PADI2: variants seen among roughly 807,000 people sequenced by gnomAD.
PADI2 encodes the protein peptidyl arginine deiminase 2.
PADI2 carries 70 observed loss-of-function variants against 81.1 expected under a neutral mutation model. The observed-to-expected ratio is 0.86, with a 90% CI of 0.71 to 1.05. The LOEUF (loss-of-function observed/expected upper bound fraction) is 1.05. PADI2 is among the 50% of genes least tolerant of loss of function. The pLI is 0.00. For missense variants in PADI2, 853 were observed against 889.9 expected (o/e 0.96, Z 0.53); for synonymous variants, 338 against 358.0 (o/e 0.94, Z 0.63).
chr1:17,090,995 C>A (rs1930670980), intron 6 of PADI2, among the ~76,000 whole-genome samples: 1 of 152,000 alleles, frequency 6.6e-6, no homozygotes, highest in Non-Finnish European at 1.5e-5. Context: ...GTGATCCCAT[C>A]CTCCATGACA....
At chr1:17,104,438 T>TTTTC (rs1478955453) in intron 2 of PADI2, among the ~76,000 whole-genome samples, 2 of 77,806 alleles carry the variant, frequency 2.6e-5, no homozygotes, top group Non-Finnish European at 5.5e-5. Flanking sequence ...TTTCTTTTTT[T>TTTTC]TTTTTTTTTT....
intron 6 of PADI2, among the ~76,000 whole-genome samples, chr1:17,088,906 C>CAAAAA (rs753463253): frequency 0.035 from 1,335 of 38,534 alleles, 36 homozygotes; most frequent in South Asian, 0.051. Context: ...GACTCCATCT[C>CAAAAA]AAAAAAAAAA....
chr1:17,115,343 T>C lies in PADI2; in HGVS notation c.92+3937A>G, dbSNP rs898107469. 2.0e-5 allele frequency among the ~76,000 whole-genome samples: 3 copies of C among 152,144 alleles called. No individual in the cohort carries two copies. The highest frequency in any genetic ancestry group is 7.2e-5 in the African/African-American group (3 of 41,440). ...AACCTCTGCACAGGCAAAGGGACAA[T>C]GTTAAGATCATTCCAGTGTCCTGAA... On this transcript the variant is annotated intron_variant, in intron 1 of 15. Transcript: ENST00000375486. This position sits in a 1 kb window ranked among gnomAD's most constrained non-coding sequence, Gnocchi z 4.1.
rs754015818 is a variant in PADI2 at position 17,086,600 on chromosome 1, A to G, written c.755T>C (p.Val252Ala). Reference protein sequence around the residue: ...TGGSAELLFFVEGLCFPDEGF... With the variant: ...TGGSAELLFFAEGLCFPDEGF... ...CTCGTCGGGGAAACAGAGGCCTTCC[A>G]CGAAGAACAGCAGCTCCGCGGAGCC... Residue 252 changes from valine to alanine, a missense_variant, in exon 7 of 16, where the codon GTG becomes GCG. Val to Ala is a moderately conservative substitution (Grantham distance 64, BLOSUM62 0). Coordinates refer to ENST00000375486, the MANE Select transcript of PADI2 (RefSeq NM_007365.3). 1.2e-6 allele frequency: 2 copies of G among 1,614,116 alleles called. No individual in the cohort carries two copies. The highest frequency in any genetic ancestry group is 1.7e-6 in the Non-Finnish European group (2 of 1,179,978).
chr1:17,104,755 T>A (rs1285236236), intron 2 of PADI2, 123 bp downstream of exon 2: 1 of 839,352 alleles, frequency 1.2e-6, no homozygotes, highest in Non-Finnish European at 1.7e-6. Flanking sequence ...TTCAATGTGG[T>A]TACTGCAGAA....
intron 9 of PADI2, chr1:17,083,148 C>G (rs562128844): frequency 6.4e-6 from 1 of 157,452 alleles, no homozygotes; most frequent in African/African-American, 2.4e-5. Flanking sequence ...GCTGGGATTA[C>G]AGGTATTATC....
At chr1:17,075,627 T>C in intron 12 of PADI2, 52 bp downstream of exon 12, 2 of 1,513,762 alleles carry the variant, frequency 1.3e-6, no homozygotes, top group Non-Finnish European at 1.8e-6. Context: ...GGGCGGGTAA[T>C]ATATTGGTTT....
intron 6 of PADI2, 54 bp from the exon 7 acceptor site, chr1:17,086,753 T>G: frequency 6.6e-7 from 1 of 1,521,332 alleles, no homozygotes; most frequent in East Asian, 2.3e-5. Flanking sequence ...AAGAGGTCGG[T>G]GGGGTGGGAT....
chr1:17,085,239 C>T (rs1282426746), intron 7 of PADI2, among the ~76,000 whole-genome samples: 1 of 152,218 alleles, frequency 6.6e-6, no homozygotes, highest in African/African-American at 2.4e-5. Context: ...GGTCAAGCAG[C>T]TTGCCTGGAA....
chr1:17,110,499 A>C (rs930257389), intron 1 of PADI2, among the ~76,000 whole-genome samples: 5 of 152,086 alleles, frequency 3.3e-5, no homozygotes, highest in African/African-American at 4.8e-5. Context: ...AACAAAAAAA[A>C]CCCAGAAATC....
chr1:17,079,264 A>G lies in PADI2; in HGVS notation c.1310T>C (p.Leu437Pro), dbSNP rs1161115872. The change falls in exon 11 of 16, where the codon CTG becomes CCG. Residue 437 changes from leucine (L) to proline (P), a missense_variant and splice_region_variant. By Grantham distance (98) the Leu-to-Pro change is moderately conservative (BLOSUM62 -3). Transcript: ENST00000375486. ...GRILIGSSFPLSGGRRMTKVV... is the reference protein window; with the variant it reads ...GRILIGSSFPPSGGRRMTKVV... ...CTAGCCCCAGCCTGGCTTCTCTTAC[A>G]GAGGAAAGCTGCTCCCGATGAGGAT... is the stretch of plus-strand genomic sequence containing the variant. 6.2e-7 allele frequency: 1 copy of G among 1,612,928 alleles called. No homozygotes were observed. The highest frequency in any genetic ancestry group is 1.7e-5 in the Admixed American group (1 of 59,884).
At chr1:17,077,435 CG>C (rs1395224939) in intron 11 of PADI2, among the ~76,000 whole-genome samples, 11 of 152,154 alleles carry the variant, frequency 7.2e-5, no homozygotes, top group Admixed American at 6.5e-4. Context: ...CTTTAAGGGC[CG>C]CCCCTGAGCT....
intron 2 of PADI2, 36 bp from the exon 3 acceptor site, chr1:17,103,095 A>G (rs755654580): frequency 1.2e-5 from 18 of 1,476,732 alleles, no homozygotes; most frequent in Non-Finnish European, 1.5e-5. Context: ...GTAGAGAGAA[A>G]AGAGAGCAGA....
intron 3 of PADI2, among the ~76,000 whole-genome samples, chr1:17,097,188 G>A (rs186459674): frequency 6.6e-6 from 1 of 152,264 alleles, no homozygotes; most frequent in East Asian, 1.9e-4. Context: ...GTGGGCGCTG[G>A]GTGGTAATGA....
intron 5 of PADI2, among the ~76,000 whole-genome samples, chr1:17,093,292 C>T (rs1362934028): frequency 6.6e-6 from 1 of 152,104 alleles, no homozygotes; most frequent in Non-Finnish European, 1.5e-5. Context: ...GATGGGGTTT[C>T]ACCATATTGG....
In PADI2 at chr1:17,070,122, T is replaced by C. The variant is rs763691887; in HGVS notation, c.1730A>G (p.Glu577Gly). 2.0e-5 allele frequency: 32 copies of C among 1,614,074 alleles called. 1 individual carries two copies. The South Asian group carries it at 3.3e-4, about 17-fold the overall frequency. ...IDLPALFKMD[E>G]DHRARAFFPN... Reference sequence around the variant, plus strand: ...GAAGAAGGCTCTGGCACGGTGGTCCTCGTCCATCTTGAACAGAGCGGGCAG... The same window carrying C: ...GAAGAAGGCTCTGGCACGGTGGTCCCCGTCCATCTTGAACAGAGCGGGCAG... Residue 577 changes from glutamate (E) to glycine (G), a missense_variant, in exon 15 of 16, where the codon GAG becomes GGG. Physicochemically the swap from Glu to Gly is moderately conservative, Grantham distance 98. Coordinates refer to ENST00000375486, the MANE Select transcript of PADI2 (RefSeq NM_007365.3).
intron 13 of PADI2, among the ~76,000 whole-genome samples, chr1:17,073,284 G>C (rs1230757379): frequency 6.6e-6 from 1 of 152,036 alleles, no homozygotes; most frequent in East Asian, 1.9e-4. Flanking sequence ...GGGCGTGGTG[G>C]CGGGCGCCTG....
intron 1 of PADI2, among the ~76,000 whole-genome samples, chr1:17,105,545 C>G (rs550107790): frequency 6.6e-6 from 1 of 152,088 alleles, no homozygotes. Context: ...CAGGCATGCA[C>G]CACCACAGCT....
intron 14 of PADI2, 51 bp from the exon 15 acceptor site, chr1:17,070,267 G>A: frequency 3.1e-6 from 5 of 1,602,200 alleles, no homozygotes; most frequent in Non-Finnish European, 4.3e-6. Context: ...ACACACACCG[G>A]CCACCTTGTC....
Sources: allele counts gnomAD v4.1 joint callset (sites outside exome capture counted in the v4.1 genomes callset), GRCh38; gene constraint gnomAD v4.1.1; non-coding constraint Gnocchi (gnomAD v3.1); transcripts MANE v1.5; gene names NCBI Gene and HGNC (gene_info 2026-07-23, HGNC 2026-07-21).